PRR16: variants seen among roughly 807,000 people sequenced by gnomAD.
PRR16 encodes the protein protein Largen.
A neutral mutation model predicts 18.2 loss-of-function variants in PRR16; 6 were observed. The observed-to-expected ratio is 0.33, with a 90% confidence interval of 0.18 to 0.65. The LOEUF is 0.65. PRR16 is among the 30% of genes least tolerant of loss of function. PRR16 has a pLI of 0.74. For synonymous variants in PRR16, 151 were observed against 147.8 expected (o/e 1.02, Z -0.16); for missense variants, 412 against 376.6 (o/e 1.09, Z -0.78).
chr5:120,682,519 G>A (rs979320224), intron 1 of PRR16, among the ~76,000 whole-genome samples: 8 of 152,098 alleles, frequency 5.3e-5, no homozygotes, highest in Non-Finnish European at 1.2e-4. Context: ...GAACTGAGGT[G>A]GCATTTATTC....
the PRR16 span, among the ~76,000 whole-genome samples, chr5:120,754,462 G>GTATATAGTATATAA: frequency 3.7e-5 from 2 of 53,982 alleles, no homozygotes; most frequent in Non-Finnish European, 6.1e-5. Context: ...ATAATATATA[G>GTATATAGTATATAA]TATATAGTAT....
At chr5:120,598,057 A>G (rs1022753069) in intron 1 of PRR16, among the ~76,000 whole-genome samples, 2 of 151,836 alleles carry the variant, frequency 1.3e-5, no homozygotes, top group African/African-American at 2.4e-5. Flanking sequence ...GAAGTTTCAT[A>G]ATATTGTCCA....
At chr5:120,571,044 T>C (rs966578446) in intron 1 of PRR16, among the ~76,000 whole-genome samples, 21 of 152,154 alleles carry the variant, frequency 1.4e-4, no homozygotes, top group Admixed American at 9.2e-4. Flanking sequence ...ACAGTGGTCA[T>C]TGGAGTCTTC....
the PRR16 span, among the ~76,000 whole-genome samples, chr5:120,734,435 G>A: frequency 2.0e-5 from 3 of 152,256 alleles, no homozygotes; most frequent in South Asian, 2.1e-4. Flanking sequence ...AAGCCCTTGA[G>A]CCTGATAATT....
In PRR16 at chr5:120,582,132, C is replaced by A. The variant is rs185834457; in HGVS notation, c.160-103822C>A. Among the ~76,000 whole-genome samples, 229 of 152,172 alleles carry A rather than the reference C, an allele frequency of 1.5e-3. 1 individual carries two copies. Among genetic ancestry groups the A allele is most frequent in the African/African-American group, 5.2e-3 (215 of 41,512 alleles). ...ACAGGATACTATGCAGCAATAAAAA[C>A]GATGAAATCACCTTCTTTCAGCAAC... On this transcript the variant is annotated intron_variant, in intron 1 of 1. Coordinates refer to ENST00000407149, the MANE Select transcript of PRR16 (RefSeq NM_001300783.2).
At chr5:120,551,828 T>C (rs1752264007) in intron 1 of PRR16, among the ~76,000 whole-genome samples, 1 of 151,974 alleles carries the variant, frequency 6.6e-6, no homozygotes, top group African/African-American at 2.4e-5. Flanking sequence ...TTCTCTGACT[T>C]GGTAGAACAG....
chr5:120,755,088 C>A, the PRR16 span, among the ~76,000 whole-genome samples: 3 of 150,860 alleles, frequency 2.0e-5, no homozygotes, highest in African/African-American at 7.3e-5. Flanking sequence ...ATACCTAATG[C>A]TTAATGACGA....
At chr5:120,718,549 G>A in the PRR16 span, among the ~76,000 whole-genome samples, 1 of 152,040 alleles carries the variant, frequency 6.6e-6, no homozygotes, top group African/African-American at 2.4e-5. Flanking sequence ...ATATTTTTCA[G>A]AAGCCATCCA....
chr5:120,553,123 T>C (rs943993563), intron 1 of PRR16, among the ~76,000 whole-genome samples: 3 of 151,872 alleles, frequency 2.0e-5, no homozygotes, highest in African/African-American at 7.3e-5. Context: ...ATGGATTTAT[T>C]AAACCATGGT....
chr5:120,708,954 ATCTTTAC>A, the PRR16 span, among the ~76,000 whole-genome samples: 952 of 123,910 alleles, frequency 7.7e-3, 10 homozygotes, highest in African/African-American at 0.028. Flanking sequence ...TTCTGAATTT[ATCTTTAC>A]TCTTTACTCT....
intron 1 of PRR16, among the ~76,000 whole-genome samples, chr5:120,467,498 T>A (rs1276374223): frequency 6.6e-6 from 1 of 152,146 alleles, no homozygotes; most frequent in Non-Finnish European, 1.5e-5. Flanking sequence ...AATATTAAAC[T>A]TTGGTTTGAG....
intron 1 of PRR16, among the ~76,000 whole-genome samples, chr5:120,577,295 G>T (rs1753111390): frequency 6.6e-6 from 1 of 151,992 alleles, no homozygotes; most frequent in African/African-American, 2.4e-5. Context: ...ATATTGAGAA[G>T]TCACTTGCAT....
chr5:120,752,420 G>C, the PRR16 span, among the ~76,000 whole-genome samples: 1 of 151,900 alleles, frequency 6.6e-6, no homozygotes, highest in Non-Finnish European at 1.5e-5. Flanking sequence ...TTGTTTTTTT[G>C]AAGGTGAGGA....
chr5:120,489,933 A>C (rs1489890370), intron 1 of PRR16, among the ~76,000 whole-genome samples: 1 of 152,176 alleles, frequency 6.6e-6, no homozygotes, highest in African/African-American at 2.4e-5. Context: ...CTGGATATGA[A>C]ATTCTGGGTT....
the PRR16 span, among the ~76,000 whole-genome samples, chr5:120,753,724 A>G: frequency 6.7e-6 from 1 of 149,230 alleles, no homozygotes; most frequent in Non-Finnish European, 1.5e-5. Context: ...TACAACTGCC[A>G]TATGAGATAT....
intron 1 of PRR16, among the ~76,000 whole-genome samples, chr5:120,497,339 C>G (rs1320546175): frequency 7.3e-6 from 1 of 137,728 alleles, no homozygotes; most frequent in Non-Finnish European, 1.6e-5. Context: ...TTCTCGTTTT[C>G]CTTTTAGTTC....
chr5:120,766,676 C>T, the PRR16 span, among the ~76,000 whole-genome samples: 19 of 151,904 alleles, frequency 1.3e-4, no homozygotes, highest in African/African-American at 3.9e-4. Flanking sequence ...AGCACAAGAC[C>T]GTTATTTTTC....
the PRR16 span, among the ~76,000 whole-genome samples, chr5:120,703,300 G>A: frequency 2.0e-5 from 3 of 152,200 alleles, no homozygotes; most frequent in African/African-American, 7.2e-5. Flanking sequence ...GTTAAGGTGG[G>A]GCAAAGTGTA....
intron 1 of PRR16, among the ~76,000 whole-genome samples, chr5:120,480,989 G>T (rs1254421971): frequency 6.6e-6 from 1 of 152,062 alleles, no homozygotes; most frequent in South Asian, 2.1e-4. Context: ...GTCTTCAGAA[G>T]TTTTCCTTTA....
Sources: gnomAD v4.1 joint callset for allele counts (sites outside exome capture counted in the v4.1 genomes callset) on GRCh38, gnomAD v4.1.1 for gene constraint, MANE v1.5 for transcripts, NCBI Gene and HGNC (gene_info 2026-07-23, HGNC 2026-07-21) for gene names.